KIAA1191: variants seen among roughly 807,000 people sequenced by gnomAD.
KIAA1191 encodes putative monooxygenase p33MONOX.
A neutral mutation model predicts 31.1 loss-of-function variants in KIAA1191; 22 were observed. That is an observed-to-expected ratio of 0.71 (90% CI 0.51 to 1.01). KIAA1191 has a LOEUF of 1.01. KIAA1191 is among the 50% of genes least tolerant of loss of function. The pLI is 0.00. For synonymous variants in KIAA1191, 130 were observed against 143.9 expected (o/e 0.90, Z 0.69); for missense variants, 319 against 388.0 (o/e 0.82, Z 1.49).
chr5:176,356,887 C>T (rs1767548966), intron 3 of KIAA1191, among the ~76,000 whole-genome samples: 1 of 152,116 alleles, frequency 6.6e-6, no homozygotes, highest in Non-Finnish European at 1.5e-5. Flanking sequence ...ATTACTATTG[C>T]TATTAGTAAT....
intron 2 of KIAA1191, 23 bp downstream of exon 2, chr5:176,359,788 A>C (rs747076847): frequency 2.8e-6 from 1 of 359,020 alleles, no homozygotes; most frequent in Non-Finnish European, 5.4e-6. Context: ...AAGATGCCAT[A>C]CATGGTGAAA....
At chr5:176,359,647 G>C in intron 2 of KIAA1191, 80 bp from the exon 3 acceptor site, 1 of 713,774 alleles carries the variant, frequency 1.4e-6, no homozygotes, top group Non-Finnish European at 2.5e-6. Context: ...GAATTGAACG[G>C]CTTGTTTACA....
chr5:176,359,432 A>C (rs545184126), intron 3 of KIAA1191, 49 bp downstream of exon 3: 2 of 1,536,460 alleles, frequency 1.3e-6, no homozygotes, highest in African/African-American at 2.7e-5. Flanking sequence ...TCTAGCTTAA[A>C]ACATTAATAA....
At chr5:176,357,802 T>TG (rs1767635727) in intron 3 of KIAA1191, among the ~76,000 whole-genome samples, 1 of 152,182 alleles carries the variant, frequency 6.6e-6, no homozygotes, top group African/African-American at 2.4e-5. Context: ...ACGGGAGACT[T>TG]GGGGAGCAAT....
intron 4 of KIAA1191, among the ~76,000 whole-genome samples, chr5:176,354,775 GC>G (rs1445915272): frequency 6.6e-6 from 1 of 152,104 alleles, no homozygotes; most frequent in African/African-American, 2.4e-5. Flanking sequence ...CCTAGACATG[GC>G]CCCTGTCCTC....
intron 3 of KIAA1191, among the ~76,000 whole-genome samples, chr5:176,358,807 G>A (rs1172375307): frequency 2.0e-5 from 3 of 152,044 alleles, no homozygotes; most frequent in Non-Finnish European, 2.9e-5. Flanking sequence ...GAGTTCCGCC[G>A]GGCACGGTGG....
rs1333836285 is a variant in KIAA1191, at chr5:176,361,422, G to C, written c.-168+180C>G. ...AGCCCCATTACGGAGACCCCAGAGAGCGGAGCCAGGGAGGCAAGAGGCGAC... is the reference window on the plus strand; with the variant it reads ...AGCCCCATTACGGAGACCCCAGAGACCGGAGCCAGGGAGGCAAGAGGCGAC... On this transcript the variant is annotated intron_variant, in intron 1 of 8. Transcript: ENST00000298569. The surrounding 1 kb of genome is among the most constrained non-coding windows in gnomAD (Gnocchi z 4.0). 6.6e-6 allele frequency: 1 copy of C among 152,480 alleles called. No homozygotes were observed. The highest frequency in any genetic ancestry group is 1.5e-5 in the Non-Finnish European group (1 of 68,238). 9.4% of individuals were successfully genotyped at this position (152,480 alleles called of 1,614,324 possible).
At chr5:176,352,480 G>T in intron 5 of KIAA1191, 142 bp downstream of exon 5, 1 of 927,426 alleles carries the variant, frequency 1.1e-6, no homozygotes, top group Non-Finnish European at 1.6e-6. Context: ...CTTCAATACT[G>T]ACATGATTCA....
chr5:176,355,546 A>C lies in KIAA1191; in HGVS notation c.207+25T>G. On this transcript the variant is annotated intron_variant, in intron 4 of 8. Transcript: ENST00000298569. The surrounding 1 kb of genome is among the most constrained non-coding windows in gnomAD (Gnocchi z 4.2). ...GAAGGACAAAGGGGTTGCGTATGCC[A>C]GAAATGGCCAGCAGGGTCAGATACC... is the stretch of plus-strand genomic sequence containing the variant. 1 of 1,597,760 alleles carries C rather than the reference A, an allele frequency of 6.3e-7. No homozygotes were observed. Among genetic ancestry groups the C allele is most frequent in the Non-Finnish European group, 8.6e-7 (1 of 1,168,996 alleles).
At chr5:176,348,377 A>G (rs1766705157) in intron 6 of KIAA1191, 21 bp from the exon 7 acceptor site, 3 of 1,581,656 alleles carry the variant, frequency 1.9e-6, no homozygotes, top group African/African-American at 2.7e-5. Flanking sequence ...GGGTAAGAAG[A>G]GAGACTTTTT....
chr5:176,347,867 C>T, intron 8 of KIAA1191, 54 bp downstream of exon 8: 1 of 1,611,684 alleles, frequency 6.2e-7, no homozygotes, highest in African/African-American at 1.3e-5. Context: ...TCCCGGTATA[C>T]AATATGGTAA....
Position 176,355,643 on chromosome 5 carries a change from A to G in KIAA1191, c.135T>C (p.Pro45=). Residue 45 remains proline (P), a synonymous_variant, in exon 4 of 9, where the codon CCT becomes CCC. Coordinates refer to ENST00000298569, the MANE Select transcript of KIAA1191 (RefSeq NM_020444.5). This position sits in a 1 kb window ranked among gnomAD's most constrained non-coding sequence, Gnocchi z 4.2. The stretch of plus-strand genomic sequence containing the variant: ...GGACGCTGCCCATGTCCGATGGAGG[A>G]GGAGTCATGGGCGCAGGGTCCTCGA... The part of the protein sequence containing the change: ...DTLEDPAPMT[P]PPSDMGSVPW... 6.2e-7 allele frequency: 1 copy of G among 1,612,908 alleles called. No individual in the cohort carries two copies. Among genetic ancestry groups the G allele is most frequent in the Non-Finnish European group, 8.5e-7 (1 of 1,179,990 alleles).
intron 3 of KIAA1191, among the ~76,000 whole-genome samples, chr5:176,358,851 G>A (rs1371170211): frequency 6.6e-6 from 1 of 152,120 alleles, no homozygotes; most frequent in Non-Finnish European, 1.5e-5. Context: ...TTGGGAGGCC[G>A]AGGCGGGCGG....
At chr5:176,348,430 A>C in intron 6 of KIAA1191, 74 bp from the exon 7 acceptor site, 2 of 1,182,422 alleles carry the variant, frequency 1.7e-6, no homozygotes, top group Non-Finnish European at 2.4e-6. Flanking sequence ...TAGGCATAAA[A>C]AATTTGGTTC....
chr5:176,355,052 TA>T lies in KIAA1191; in HGVS notation c.207+518del, dbSNP rs1767381498. On this transcript the variant is annotated intron_variant, in intron 4 of 8. Transcript: ENST00000298569. This position sits in a 1 kb window ranked among gnomAD's most constrained non-coding sequence, Gnocchi z 4.2. ...GAGCCAAAAACTGACAGGCAGAAAA[TA>T]CGCTGCTAAGTGCAAGAATTTTAGG... 6.6e-6 allele frequency among the ~76,000 whole-genome samples: 1 copy of T among 151,926 alleles called. No individual in the cohort carries two copies. Among genetic ancestry groups the T allele is most frequent in the African/African-American group, 2.4e-5 (1 of 41,344 alleles).
chr5:176,352,543 CAT>C, intron 5 of KIAA1191, 77 bp downstream of exon 5: 2 of 1,514,800 alleles, frequency 1.3e-6, no homozygotes, highest in Non-Finnish European at 1.8e-6. Context: ...GTTGCAGTAT[CAT>C]CTCCAATCAG....
chr5:176,348,727 G>A lies in KIAA1191; in HGVS notation c.460-371C>T, dbSNP rs115053997. Among the ~76,000 whole-genome samples, 734 of 151,914 alleles carry A rather than the reference G, an allele frequency of 4.8e-3. 5 individuals are homozygous for A. The highest frequency in any genetic ancestry group is 6.1e-3 in the Non-Finnish European group (418 of 67,984). On this transcript the variant is annotated intron_variant, in intron 6 of 8. Transcript: ENST00000298569. ...TAAGCAGGGCTTAAGCTCTTGTCTC[G>A]CTGCTGCTCCTACCATGTACAAAGC...
Position 176,350,756 on chromosome 5 carries a change from A to G in KIAA1191, c.335-19T>C, listed in dbSNP as rs769278236. The G allele has an allele frequency of 6.2e-7, 1 of 1,613,128 alleles. No homozygotes were observed. The highest frequency in any genetic ancestry group is 1.3e-5 in the African/African-American group (1 of 74,846). ...GTCTGTTCTGGGAACAGAGGAGATG[A>G]CAGTCATGCCCATTCCCCTCTCCCA... is the stretch of plus-strand genomic sequence containing the variant. On this transcript the variant is annotated intron_variant, in intron 5 of 8. Transcript: ENST00000298569.
In KIAA1191 at chr5:176,350,687, C is replaced by A. The variant is rs200586252; in HGVS notation, c.385G>T (p.Asp129Tyr). The A allele has an allele frequency of 6.2e-7, 1 of 1,614,172 alleles. No homozygotes were observed. The highest frequency in any genetic ancestry group is 1.1e-5 in the South Asian group (1 of 91,072). ...CCCTTGTGGGGTGTGTAGCCAGCATCTCTCAGCCCTGCCTGTCGCTCAAAA... is the reference window on the plus strand; with the variant it reads ...CCCTTGTGGGGTGTGTAGCCAGCATATCTCAGCCCTGCCTGTCGCTCAAAA... ...QHFERQAGLR[D>Y]AGYTPHKGLT... Residue 129 changes from aspartate (D) to tyrosine (Y), a missense_variant, in exon 6 of 9, where the codon GAT becomes TAT. By Grantham distance (160) the Asp-to-Tyr change is radical. Transcript: ENST00000298569.
Sources: allele counts gnomAD v4.1 joint callset (sites outside exome capture counted in the v4.1 genomes callset), GRCh38; gene constraint gnomAD v4.1.1; non-coding constraint Gnocchi (gnomAD v3.1); transcripts MANE v1.5; gene names NCBI Gene and HGNC (gene_info 2026-07-23, HGNC 2026-07-21).